Variants in NSUN3 observed in about 807,000 individuals in gnomAD.
NSUN3 encodes the protein tRNA (cytosine(34)-C(5))-methyltransferase, mitochondrial.
A neutral mutation model predicts 36.8 loss-of-function variants in NSUN3; 24 were observed. The observed-to-expected ratio is 0.65, with a 90% confidence interval of 0.47 to 0.92. NSUN3 has a LOEUF of 0.92. NSUN3 is among the 40% of genes least tolerant of loss of function. NSUN3 has a pLI of 0.00. For missense variants in NSUN3, 381 were observed against 392.8 expected, an observed-to-expected ratio of 0.97 and a Z score of 0.25; for synonymous variants, 146 against 145.2, an observed-to-expected ratio of 1.01 and a Z score of -0.04.
chr3:94,128,867 C>G lies in NSUN3; in HGVS notation c.*2377C>G, dbSNP rs752051072. 1.6e-4 allele frequency among the ~76,000 whole-genome samples: 24 copies of G among 152,194 alleles called. No homozygotes were observed. The highest frequency in any genetic ancestry group is 1.2e-3 in the Admixed American group (19 of 15,284). On this transcript the variant is annotated 3_prime_UTR_variant, in exon 6 of 6. Coordinates refer to ENST00000314622, the MANE Select transcript of NSUN3 (RefSeq NM_022072.5). ...GACATTTCTCAAAAGAAGACATTCACATGGCCAACAAACATATGAAAAAGT... is the reference window on the plus strand; with the variant it reads ...GACATTTCTCAAAAGAAGACATTCAGATGGCCAACAAACATATGAAAAAGT...
intron 5 of NSUN3, among the ~76,000 whole-genome samples, chr3:94,110,726 A>T (rs111942256): frequency 1.8e-3 from 278 of 151,430 alleles, no homozygotes; most frequent in African/African-American, 6.5e-3. Context: ...GAGTGGAGAT[A>T]TACATGTATA....
chr3:94,113,849 A>T (rs2077428706), intron 5 of NSUN3, among the ~76,000 whole-genome samples: 1 of 152,192 alleles, frequency 6.6e-6, no homozygotes, highest in Non-Finnish European at 1.5e-5. Context: ...TTAATGAAGG[A>T]CTAACTACTT....
chr3:94,076,097 G>A (rs1386545256), intron 2 of NSUN3: 1 of 1,506,674 alleles, frequency 6.6e-7, no homozygotes, highest in African/African-American at 1.4e-5. Context: ...CAACTCTGGT[G>A]ACCCGTCTTC....
intron 5 of NSUN3, among the ~76,000 whole-genome samples, chr3:94,116,131 A>G (rs1224941856): frequency 6.6e-6 from 1 of 152,078 alleles, no homozygotes; most frequent in African/African-American, 2.4e-5. Flanking sequence ...TTCCTTTCTT[A>G]CTATCCTTTA....
chr3:94,083,881 C>G (rs759947890), intron 2 of NSUN3, among the ~76,000 whole-genome samples: 11 of 151,898 alleles, frequency 7.2e-5, no homozygotes, highest in Non-Finnish European at 1.3e-4. Flanking sequence ...CCACAGTGAA[C>G]GAAATACCAG....
At chr3:94,102,777 T>TA (rs879826953) in intron 5 of NSUN3, among the ~76,000 whole-genome samples, 2 of 152,154 alleles carry the variant, frequency 1.3e-5, no homozygotes, top group South Asian at 2.1e-4. Context: ...TTTTCTTTCA[T>TA]AAAAAATGTG....
At chr3:94,079,074 C>T (rs1452457307) in intron 2 of NSUN3, among the ~76,000 whole-genome samples, 1 of 152,124 alleles carries the variant, frequency 6.6e-6, no homozygotes, top group East Asian at 1.9e-4. Context: ...ACTGGTTGTT[C>T]CTCTCCATGT....
chr3:94,124,423 G>T (rs1324255228), intron 5 of NSUN3, among the ~76,000 whole-genome samples: 2 of 152,078 alleles, frequency 1.3e-5, no homozygotes, highest in African/African-American at 2.4e-5. Flanking sequence ...CACCGCACCT[G>T]CCTAGAAGTT....
chr3:94,084,136 A>G lies in NSUN3; in HGVS notation c.152A>G (p.Gln51Arg), dbSNP rs753748791. The change falls in exon 3 of 6, where the codon CAA (glutamine) becomes CGA (arginine). Residue 51 changes from glutamine to arginine, a missense_variant. Transcript: ENST00000314622. ...REILTSPSCW[Q>R]YAVLLNRFNY... is the part of the protein sequence containing the mutation. ...ATACTAACATCTCCATCATGCTGGC[A>G]ATATGCTGTCCTGCTTAACCGATTC... 1.2e-6 allele frequency: 2 copies of G among 1,613,846 alleles called. No individual in the cohort carries two copies. Among genetic ancestry groups the G allele is most frequent in the Admixed American group, 3.3e-5 (2 of 59,976 alleles).
intron 5 of NSUN3, among the ~76,000 whole-genome samples, chr3:94,111,558 A>C (rs1455697239): frequency 6.6e-6 from 1 of 152,054 alleles, no homozygotes; most frequent in Non-Finnish European, 1.5e-5. Flanking sequence ...TTATTCTATA[A>C]GTTTTTTTCT....
At chr3:94,092,512 A>C (rs1335904004) in intron 3 of NSUN3, among the ~76,000 whole-genome samples, 1 of 152,144 alleles carries the variant, frequency 6.6e-6, no homozygotes, top group Non-Finnish European at 1.5e-5. Flanking sequence ...ACCCAAAATA[A>C]ACATGAAAAC....
intron 2 of NSUN3, among the ~76,000 whole-genome samples, chr3:94,080,597 A>T (rs914486695): frequency 1.2e-4 from 18 of 152,114 alleles, no homozygotes; most frequent in Non-Finnish European, 1.6e-4. Flanking sequence ...TTTTTCAGAG[A>T]TGCCCTGCCC....
chr3:94,100,874 A>G (rs939206442), intron 5 of NSUN3, among the ~76,000 whole-genome samples: 2 of 152,214 alleles, frequency 1.3e-5, no homozygotes, highest in Admixed American at 6.5e-5. Context: ...ACTTTTGGAA[A>G]GACAGTGTCC....
chr3:94,091,219 C>G (rs2077313674), intron 3 of NSUN3, among the ~76,000 whole-genome samples: 1 of 151,986 alleles, frequency 6.6e-6, no homozygotes, highest in Admixed American at 6.6e-5. Context: ...AGCTTACTTT[C>G]AAAGGAACGA....
intron 5 of NSUN3, among the ~76,000 whole-genome samples, chr3:94,105,567 C>T (rs1214959998): frequency 2.6e-5 from 4 of 152,026 alleles, no homozygotes; most frequent in African/African-American, 4.8e-5. Context: ...TCAAACTCTG[C>T]TCTGTAAAGA....
At chr3:94,117,352 GA>G (rs1292568654) in intron 5 of NSUN3, among the ~76,000 whole-genome samples, 1 of 152,018 alleles carries the variant, frequency 6.6e-6, no homozygotes, top group Non-Finnish European at 1.5e-5. Flanking sequence ...TGGATTTCAC[GA>G]CAGAGTATGA....
At chr3:94,063,273 G>A in intron 1 of NSUN3, 135 bp downstream of exon 1, 2 of 911,532 alleles carry the variant, frequency 2.2e-6, no homozygotes, top group Non-Finnish European at 3.6e-6. Flanking sequence ...CGTTTCTTTG[G>A]CTTTACTGTC....
intron 3 of NSUN3, among the ~76,000 whole-genome samples, chr3:94,085,979 TG>T (rs1241377156): frequency 5.9e-5 from 9 of 151,290 alleles, no homozygotes; most frequent in African/African-American, 9.7e-5. Context: ...AGTCTCGCTG[TG>T]TCTCCCAGGC....
At chr3:94,085,174 A>AC (rs1175500281) in intron 3 of NSUN3, 2 of 152,212 alleles carry the variant, frequency 1.3e-5, no homozygotes, top group African/African-American at 2.4e-5. Context: ...TTTTCAAGTG[A>AC]CTTTTTCATT....
Sources: allele counts gnomAD v4.1 joint callset (sites outside exome capture counted in the v4.1 genomes callset), GRCh38; gene constraint gnomAD v4.1.1; transcripts MANE v1.5; gene names NCBI Gene and HGNC (gene_info 2026-07-23, HGNC 2026-07-21).